Variants in STPG2 observed in about 807,000 individuals in gnomAD.
STPG2 encodes the protein sperm-tail PG-rich repeat-containing protein 2.
A neutral mutation model predicts 54.2 loss-of-function variants in STPG2; 56 were observed. The observed-to-expected ratio is 1.03, with a 90% CI of 0.83 to 1.29. STPG2 has a LOEUF of 1.29. Ranked by LOEUF, STPG2 falls within the 50% of genes most tolerant of loss-of-function variation. The probability of loss-of-function intolerance (pLI) is 0.00; values close to 1 mark genes in which losing one functional copy is unlikely to be tolerated. For synonymous variants in STPG2, 200 were observed against 181.8 expected (o/e 1.10, Z -0.81); for missense variants, 596 against 544.9 (o/e 1.09, Z -0.93).
At chr4:97,928,183 A>G (rs1464891515) in intron 8 of STPG2, among the ~76,000 whole-genome samples, 2 of 152,152 alleles carry the variant, frequency 1.3e-5, no homozygotes, top group African/African-American at 2.4e-5. Flanking sequence ...TTTCCATCTG[A>G]GAGGCCCTCC....
At chr4:97,980,506 A>G (rs1393690333) in intron 6 of STPG2, among the ~76,000 whole-genome samples, 1 of 152,132 alleles carries the variant, frequency 6.6e-6, no homozygotes, top group Admixed American at 6.5e-5. Flanking sequence ...GTCAGGTCTC[A>G]TGGAACCCTG....
intron 8 of STPG2, among the ~76,000 whole-genome samples, chr4:97,848,516 T>C (rs1729039606): frequency 6.6e-6 from 1 of 152,164 alleles, no homozygotes; most frequent in African/African-American, 2.4e-5. Context: ...CAAGTATTTA[T>C]AGGTCCTTTC....
chr4:97,930,794 T>C (rs888173349), intron 8 of STPG2, among the ~76,000 whole-genome samples: 4 of 152,242 alleles, frequency 2.6e-5, no homozygotes, highest in Admixed American at 6.5e-5. Flanking sequence ...ACAATATTGA[T>C]TCTTCCTATC....
At chr4:97,654,033 C>A (rs1722149268) in intron 10 of STPG2, among the ~76,000 whole-genome samples, 1 of 152,150 alleles carries the variant, frequency 6.6e-6, no homozygotes, top group Non-Finnish European at 1.5e-5. Flanking sequence ...TGCAAAGCAG[C>A]CCCTATGGAA....
chr4:97,738,689 C>T (rs12509140), intron 9 of STPG2, among the ~76,000 whole-genome samples: 63,878 of 151,386 alleles, frequency 0.42, 13,913 homozygotes, highest in Admixed American at 0.53. Flanking sequence ...GCACCCAATA[C>T]AGGAGCACCC....
intron 5 of STPG2, among the ~76,000 whole-genome samples, chr4:98,103,654 T>A (rs994501073): frequency 6.6e-6 from 1 of 151,310 alleles, no homozygotes; most frequent in Non-Finnish European, 1.5e-5. Flanking sequence ...AAAAATAAAA[T>A]AAAATAAAAT....
In STPG2 at chr4:97,738,600, C is replaced by A. The variant is rs541103778; in HGVS notation, c.1205-25786G>T. 4.9e-4 allele frequency among the ~76,000 whole-genome samples: 74 copies of A among 152,210 alleles called. 1 individual carries two copies. The South Asian group carries it at 0.015, about 32-fold the overall frequency. On this transcript the variant is annotated intron_variant, in intron 9 of 10. Transcript: ENST00000295268. ...AAACAGACTTCAAACCAACAAAGAT[C>A]AAAAGAGACAAACAAGGCCATTACA...
At chr4:97,951,731 T>C (rs1014009344) in intron 7 of STPG2, among the ~76,000 whole-genome samples, 2 of 152,186 alleles carry the variant, frequency 1.3e-5, no homozygotes, top group African/African-American at 2.4e-5. Context: ...GCCTACTTCA[T>C]TCCCCCATGA....
intron 10 of STPG2, among the ~76,000 whole-genome samples, chr4:97,616,088 A>G (rs1178585375): frequency 3.6e-5 from 3 of 84,288 alleles, no homozygotes; most frequent in South Asian, 1.1e-3. Context: ...ATATATATAT[A>G]TATATATGTA....
At chr4:97,540,389 T>C (rs2148860866) in intron 4 of STPG2, among the ~76,000 whole-genome samples, 1 of 152,214 alleles carries the variant, frequency 6.6e-6, no homozygotes, top group African/African-American at 2.4e-5. Flanking sequence ...AATGGATAAA[T>C]TCCTCGACAC....
At chr4:97,773,610 C>G (rs945348443) in intron 9 of STPG2, among the ~76,000 whole-genome samples, 5 of 152,062 alleles carry the variant, frequency 3.3e-5, no homozygotes, top group Non-Finnish European at 7.4e-5. Context: ...CCACACCCAG[C>G]CTGCTTTTAA....
At chr4:97,665,713 C>T (rs1345940586) in intron 10 of STPG2, among the ~76,000 whole-genome samples, 1 of 152,148 alleles carries the variant, frequency 6.6e-6, no homozygotes, top group East Asian at 1.9e-4. Context: ...TCATGGTGCC[C>T]AGGCTGTTCA....
At chr4:97,720,111 T>A (rs1332481707) in intron 9 of STPG2, among the ~76,000 whole-genome samples, 1 of 152,022 alleles carries the variant, frequency 6.6e-6, no homozygotes, top group Non-Finnish European at 1.5e-5. Flanking sequence ...TGCTTGCAAG[T>A]ATATTTTCAT....
intron 4 of STPG2, among the ~76,000 whole-genome samples, chr4:97,531,899 G>A (rs1206286985): frequency 6.6e-6 from 1 of 152,146 alleles, no homozygotes; most frequent in African/African-American, 2.4e-5. Context: ...AAGGATAGAT[G>A]CTTGAGGTGA....
intron 9 of STPG2, among the ~76,000 whole-genome samples, chr4:97,838,940 G>A (rs769793315): frequency 2.2e-4 from 33 of 151,572 alleles, no homozygotes; most frequent in Admixed American, 5.9e-4. Context: ...TAAGATGCAC[G>A]ATAGCAAACT....
intron 8 of STPG2, among the ~76,000 whole-genome samples, chr4:97,851,195 TGA>T (rs1729148905): frequency 1.3e-5 from 2 of 152,324 alleles, no homozygotes; most frequent in South Asian, 2.1e-4. Context: ...ACCATAGGAA[TGA>T]GAGAGCTCCT....
At chr4:97,925,420 G>A (rs1416671639) in intron 8 of STPG2, among the ~76,000 whole-genome samples, 5 of 152,170 alleles carry the variant, frequency 3.3e-5, no homozygotes, top group Non-Finnish European at 7.4e-5. Flanking sequence ...TGTAATGGAA[G>A]TACAGGAAGT....
At chr4:97,976,008 G>A (rs1734486127) in intron 6 of STPG2, among the ~76,000 whole-genome samples, 1 of 152,066 alleles carries the variant, frequency 6.6e-6, no homozygotes, top group Non-Finnish European at 1.5e-5. Context: ...CGTTACTTTG[G>A]TTCACTCCAG....
At chr4:97,796,614 T>A (rs1161782866) in intron 9 of STPG2, among the ~76,000 whole-genome samples, 1 of 152,182 alleles carries the variant, frequency 6.6e-6, no homozygotes. Context: ...CCTTGTAGTA[T>A]AGTTTGAAGT....
Sources: allele counts gnomAD v4.1 joint callset (sites outside exome capture counted in the v4.1 genomes callset), GRCh38; gene constraint gnomAD v4.1.1; transcripts MANE v1.5; gene names NCBI Gene and HGNC (gene_info 2026-07-23, HGNC 2026-07-21).